NXPE2: variants seen among roughly 807,000 people sequenced by gnomAD.
NXPE2 encodes NXPE family member 2.
A neutral mutation model predicts 34.4 loss-of-function variants in NXPE2; 34 were observed. The ratio of observed to expected loss-of-function variants is 0.99; its 90% CI spans 0.75 to 1.31. NXPE2 has a LOEUF of 1.31. Among genes scored for constraint, NXPE2 ranks in the 40% most tolerant of loss-of-function variants. NXPE2 has a pLI of 0.00. For missense variants in NXPE2, 649 were observed against 672.5 expected (o/e 0.97, Z 0.39); for synonymous variants, 235 against 231.3 (o/e 1.02, Z -0.15).
the NXPE2 span, among the ~76,000 whole-genome samples, chr11:114,774,855 C>A: frequency 6.6e-6 from 1 of 152,214 alleles, no homozygotes; most frequent in Non-Finnish European, 1.5e-5. Flanking sequence ...AGGAAACAGG[C>A]CTTCAGGGAC....
chr11:114,794,606 G>C, the NXPE2 span, among the ~76,000 whole-genome samples: 2 of 152,280 alleles, frequency 1.3e-5, no homozygotes, highest in African/African-American at 2.4e-5. Flanking sequence ...AAACATAGAA[G>C]TTTGGCTGCA....
At chr11:114,549,414 G>T in the NXPE2 span, among the ~76,000 whole-genome samples, 8 of 151,898 alleles carry the variant, frequency 5.3e-5, no homozygotes, top group South Asian at 2.1e-4. Flanking sequence ...ATAATTCAGA[G>T]AGTTTTATTC....
At chr11:114,750,277 G>T in the NXPE2 span, among the ~76,000 whole-genome samples, 2 of 152,084 alleles carry the variant, frequency 1.3e-5, no homozygotes, top group Admixed American at 1.3e-4. Context: ...TTCCATTTTT[G>T]CTCCCCCAGT....
chr11:114,696,196 G>A (rs940972017), intron 2 of NXPE2, among the ~76,000 whole-genome samples: 13 of 151,624 alleles, frequency 8.6e-5, no homozygotes, highest in South Asian at 8.3e-4. Context: ...AATTAGCCAG[G>A]TGCTGGTGGC....
chr11:114,503,410 A>T, the NXPE2 span, among the ~76,000 whole-genome samples: 1 of 152,198 alleles, frequency 6.6e-6, no homozygotes, highest in Non-Finnish European at 1.5e-5. Context: ...TTTAAATAAA[A>T]TGCGTATTAG....
At chr11:114,591,570 C>A in the NXPE2 span, among the ~76,000 whole-genome samples, 101 of 152,186 alleles carry the variant, frequency 6.6e-4, 2 homozygotes, top group South Asian at 0.018. Flanking sequence ...AGAAATTAAG[C>A]CTCAGTACTC....
the NXPE2 span, among the ~76,000 whole-genome samples, chr11:114,521,300 A>T: frequency 5.3e-5 from 8 of 152,116 alleles, no homozygotes; most frequent in Non-Finnish European, 1.2e-4. Flanking sequence ...TATTGCTATG[A>T]CCTCATGGAT....
chr11:114,476,638 A>AAG, the NXPE2 span, among the ~76,000 whole-genome samples: 5 of 152,050 alleles, frequency 3.3e-5, no homozygotes, highest in South Asian at 2.1e-4. Context: ...ACAAGGTGGC[A>AAG]AGAGAGAGAG....
chr11:114,769,211 A>G, the NXPE2 span, among the ~76,000 whole-genome samples: 1 of 152,148 alleles, frequency 6.6e-6, no homozygotes, highest in Non-Finnish European at 1.5e-5. Flanking sequence ...GAAAAAAAAA[A>G]GCTCATCACC....
chr11:114,514,253 G>A, the NXPE2 span, among the ~76,000 whole-genome samples: 1 of 152,094 alleles, frequency 6.6e-6, no homozygotes, highest in Non-Finnish European at 1.5e-5. Context: ...TCTCATTGCT[G>A]GACGTATAGG....
chr11:114,473,438 G>T, the NXPE2 span, among the ~76,000 whole-genome samples: 4 of 152,182 alleles, frequency 2.6e-5, no homozygotes, highest in East Asian at 5.8e-4. Context: ...CCAAAAAATT[G>T]GAATTTACTT....
At chr11:114,505,071 A>G in the NXPE2 span, among the ~76,000 whole-genome samples, 1 of 152,190 alleles carries the variant, frequency 6.6e-6, no homozygotes, top group Non-Finnish European at 1.5e-5. Flanking sequence ...AAAACACACT[A>G]TAAGAATTTC....
chr11:114,506,258 C>A, the NXPE2 span, among the ~76,000 whole-genome samples: 1 of 152,066 alleles, frequency 6.6e-6, no homozygotes, highest in Non-Finnish European at 1.5e-5. Flanking sequence ...TTCAAAGAGA[C>A]TTAGACTCTC....
the NXPE2 span, among the ~76,000 whole-genome samples, chr11:114,739,809 T>A: frequency 2.6e-5 from 4 of 152,262 alleles, no homozygotes; most frequent in South Asian, 8.3e-4. Context: ...TTATTTAAGA[T>A]TTCATATATG....
chr11:114,712,430 A>G, the NXPE2 span, among the ~76,000 whole-genome samples: 1 of 151,614 alleles, frequency 6.6e-6, no homozygotes, highest in Non-Finnish European at 1.5e-5. Flanking sequence ...ATGTAAAAAA[A>G]CAAATAGATT....
the NXPE2 span, among the ~76,000 whole-genome samples, chr11:114,510,893 G>A: frequency 6.6e-6 from 1 of 152,020 alleles, no homozygotes; most frequent in Non-Finnish European, 1.5e-5. Flanking sequence ...GAGAAAGGAA[G>A]GTGTACTACT....
chr11:114,472,666 A>C, the NXPE2 span, among the ~76,000 whole-genome samples: 1 of 152,162 alleles, frequency 6.6e-6, no homozygotes, highest in Non-Finnish European at 1.5e-5. Context: ...GGTGTCTGGC[A>C]GGGGCCCACT....
the NXPE2 span, among the ~76,000 whole-genome samples, chr11:114,804,667 A>C: frequency 6.6e-6 from 1 of 152,240 alleles, no homozygotes; most frequent in African/African-American, 2.4e-5. Flanking sequence ...TAGTAGAATC[A>C]AGATAAGGAA....
the NXPE2 span, among the ~76,000 whole-genome samples, chr11:114,789,157 A>C: frequency 6.6e-6 from 1 of 152,204 alleles, no homozygotes; most frequent in Admixed American, 6.5e-5. Context: ...ATACTTGAAG[A>C]TTGCTAAGAG....
Sources: gnomAD v4.1 joint callset for allele counts (sites outside exome capture counted in the v4.1 genomes callset) on GRCh38, gnomAD v4.1.1 for gene constraint, MANE v1.5 for transcripts, NCBI Gene and HGNC (gene_info 2026-07-23, HGNC 2026-07-21) for gene names.